ABR: variants seen among roughly 807,000 people sequenced by gnomAD.
ABR encodes active breakpoint cluster region-related protein.
ABR carries 35 observed loss-of-function variants against 107.2 expected under a neutral mutation model. That is an observed-to-expected ratio of 0.33 (90% CI 0.25 to 0.43). The LOEUF (loss-of-function observed/expected upper bound fraction) is 0.43, where lower values mean the gene tolerates loss of function less well. ABR is among the 20% of genes least tolerant of loss of function. The probability of loss-of-function intolerance (pLI) is 1.00; values close to 1 mark genes in which losing one functional copy is unlikely to be tolerated. For missense variants in ABR, 815 were observed against 1,115.2 expected, an observed-to-expected ratio of 0.73 and a Z score of 3.83; for synonymous variants, 498 against 462.0, an observed-to-expected ratio of 1.08 and a Z score of -1.00.
chr17:1,109,718 T>C (rs1375576377), intron 2 of ABR, among the ~76,000 whole-genome samples: 1 of 150,912 alleles, frequency 6.6e-6, no homozygotes, highest in Non-Finnish European at 1.5e-5. Flanking sequence ...CACAGCCGCG[T>C]CCCGCCGCCG....
chr17:1,018,557 A>G lies in ABR; in HGVS notation c.1792-5393T>C, dbSNP rs938971170. Among the ~76,000 whole-genome samples, 3 of 152,092 alleles carry G rather than the reference A, an allele frequency of 2.0e-5. No individual in the cohort carries two copies. The East Asian group carries it at 5.8e-4, about 29-fold the overall frequency. On this transcript the variant is annotated intron_variant, in intron 16 of 22. Coordinates refer to ENST00000302538, the MANE Select transcript of ABR (RefSeq NM_021962.5). ...TCCTGGCAGCTTCTGCAGGAAGCTG[A>G]GCCAATGGTCCCTTCCCAAGTCTCA... is the stretch of plus-strand genomic sequence containing the variant.
rs1465554602 is a variant in ABR, at chr17:1,010,568, C to T, written c.2236+161G>A. The T allele has an allele frequency of 1.1e-6, 1 of 939,970 alleles. No individual in the cohort carries two copies. Among genetic ancestry groups the T allele is most frequent in the Non-Finnish European group, 1.6e-6 (1 of 642,140 alleles). 58.2% of individuals were successfully genotyped at this position (939,970 alleles called of 1,614,324 possible). A position where few individuals can be genotyped will look rare whatever the true frequency, so the allele number is the denominator to read the frequency against. The stretch of plus-strand genomic sequence containing the variant: ...AGTGTCTGCACCAGGTCCCAGCAGG[C>T]CACACCTCACCCTCGGACCCCTCAG... On this transcript the variant is annotated intron_variant, in intron 20 of 22. Transcript: ENST00000302538. The surrounding 1 kb of genome is among the most constrained non-coding windows in gnomAD (Gnocchi z 4.1).
chr17:1,102,994 G>C (rs1352548856), intron 2 of ABR, among the ~76,000 whole-genome samples: 1 of 152,192 alleles, frequency 6.6e-6, no homozygotes, highest in African/African-American at 2.4e-5. Flanking sequence ...ACAGGTGTGA[G>C]CCATGGAGCC....
intron 1 of ABR, among the ~76,000 whole-genome samples, chr17:1,167,790 AG>A (rs2041569688): frequency 6.6e-6 from 1 of 152,254 alleles, no homozygotes; most frequent in Non-Finnish European, 1.5e-5. Context: ...CGTGCCTCTA[AG>A]GAGTTGAGAG....
intron 1 of ABR, among the ~76,000 whole-genome samples, chr17:1,227,775 G>T (rs2043249113): frequency 6.6e-6 from 1 of 151,998 alleles, no homozygotes; most frequent in Non-Finnish European, 1.5e-5. Context: ...ACAGCAAAGG[G>T]CTCCCACGCC....
At chr17:1,093,424 G>A (rs577322664) in intron 3 of ABR, among the ~76,000 whole-genome samples, 102 of 152,182 alleles carry the variant, frequency 6.7e-4, no homozygotes, top group Middle Eastern at 3.4e-3. Context: ...AGCCAAGATT[G>A]CGCCACTGCA....
At chr17:1,213,357 T>C (rs1408339488) in intron 1 of ABR, among the ~76,000 whole-genome samples, 1 of 152,176 alleles carries the variant, frequency 6.6e-6, no homozygotes, top group Non-Finnish European at 1.5e-5. Flanking sequence ...AAGCAGGTAC[T>C]ATTTGGTGTG....
intron 16 of ABR, among the ~76,000 whole-genome samples, chr17:1,018,553 G>A (rs1009753489): frequency 5.3e-5 from 8 of 152,180 alleles, no homozygotes; most frequent in African/African-American, 1.7e-4. Flanking sequence ...TCTGCAGGAA[G>A]CTGAGCCAAT....
intron 1 of ABR, among the ~76,000 whole-genome samples, chr17:1,219,337 C>T (rs1490479488): frequency 6.6e-6 from 1 of 151,954 alleles, no homozygotes; most frequent in Non-Finnish European, 1.5e-5. Flanking sequence ...AGCCACCACG[C>T]CCAGCCATGG....
rs984590871 is a variant in ABR at position 1,027,083 on chromosome 17, TG to T, written c.1792-13920del. ...GCTCCCCCAGCCACACCTGCAGGCT[TG>T]GGGGCTCCTTCCAAAATGTCTGGGG... On this transcript the variant is annotated intron_variant, in intron 16 of 22. Transcript: ENST00000302538. The surrounding 1 kb of genome is among the most constrained non-coding windows in gnomAD (Gnocchi z 4.7). Among the ~76,000 whole-genome samples the T allele has an allele frequency of 2.8e-4, 43 of 151,862 alleles. No homozygotes were observed. The highest frequency in any genetic ancestry group is 5.0e-4 in the Non-Finnish European group (34 of 67,938).
chr17:1,034,781 G>A (rs115289653), intron 16 of ABR, among the ~76,000 whole-genome samples: 1 of 152,076 alleles, frequency 6.6e-6, no homozygotes, highest in African/African-American at 2.4e-5. Context: ...CCCCTCACTG[G>A]CCTATGGTCC....
At chr17:1,049,686 C>T (rs115176746) in intron 16 of ABR, among the ~76,000 whole-genome samples, 2,331 of 152,310 alleles carry the variant, frequency 0.015, 57 homozygotes, top group African/African-American at 0.052. Context: ...ATGGCAGACA[C>T]GGCTCCTCAC....
chr17:1,067,040 C>T (rs1456248771), intron 10 of ABR, 37 bp downstream of exon 10: 1 of 1,606,216 alleles, frequency 6.2e-7, no homozygotes, highest in South Asian at 1.1e-5. Context: ...ACAGCTGGCT[C>T]AAAGGGCCCC....
intron 5 of ABR, among the ~76,000 whole-genome samples, chr17:1,081,807 C>G (rs866128929): frequency 1.3e-5 from 2 of 150,604 alleles, no homozygotes; most frequent in Non-Finnish European, 3.0e-5. Context: ...AAACTCCTGA[C>G]CTCAGGTGAT....
rs2034543114 is a variant in ABR at position 1,064,968 on chromosome 17, G to GTTGTTA, written c.1182+2108_1182+2109insTAACAA. Among the ~76,000 whole-genome samples, 71 of 84,594 alleles carry GTTGTTA rather than the reference G, an allele frequency of 8.4e-4. 2 individuals are homozygous for GTTGTTA. Among genetic ancestry groups the GTTGTTA allele is most frequent in the East Asian group, 1.8e-3 (5 of 2,800 alleles). 55.5% of individuals were successfully genotyped at this position (84,594 alleles called of 152,430 possible). On this transcript the variant is annotated intron_variant, in intron 10 of 22. Coordinates refer to ENST00000302538, the MANE Select transcript of ABR (RefSeq NM_021962.5). ...GGCTATGCATGTTCCTCTAGACACT[G>GTTGTTA]CTGTTACGTGAACTGAGGGCTATGC...
At position 1,079,025 on chromosome 17, in the gene ABR, G is replaced by A. The variant is rs1354433577; in HGVS notation, c.700+305C>T. 70 of 1,448,766 alleles carry A rather than the reference G, an allele frequency of 4.8e-5. 1 individual carries two copies. The Middle Eastern group carries it at 6.5e-4, about 14-fold the overall frequency. 89.7% of individuals were successfully genotyped at this position (1,448,766 alleles called of 1,614,324 possible). On this transcript the variant is annotated intron_variant, in intron 6 of 22. Transcript: ENST00000302538. ...CCAGCAAGGGGGAGGGGAGGGAGGCGCGTGGCGAGGAGAGGAGGGAAGGGG... is the reference window on the plus strand; with the variant it reads ...CCAGCAAGGGGGAGGGGAGGGAGGCACGTGGCGAGGAGAGGAGGGAAGGGG...
intron 16 of ABR, among the ~76,000 whole-genome samples, chr17:1,049,624 C>T (rs1328067269): frequency 1.3e-5 from 2 of 152,036 alleles, no homozygotes; most frequent in South Asian, 2.1e-4. Context: ...CTAAGTCTTT[C>T]GGGCAGAAGA....
At chr17:1,046,116 C>T (rs1030833349) in intron 16 of ABR, among the ~76,000 whole-genome samples, 2 of 151,960 alleles carry the variant, frequency 1.3e-5, no homozygotes, top group African/African-American at 2.4e-5. Context: ...GGTGATCCCC[C>T]CGCCCTGGCC....
Position 1,176,249 on chromosome 17 carries a change from C to T in ABR, c.61+3418G>A, listed in dbSNP as rs142388440. On this transcript the variant is annotated intron_variant, in intron 1 of 22. Transcript: ENST00000302538. ...CCCAGGTCCTGCAAGAGGCACAGGGCCAGGTTGGGGTCAGAGCCATTGAAG... is the reference window on the plus strand; with the variant it reads ...CCCAGGTCCTGCAAGAGGCACAGGGTCAGGTTGGGGTCAGAGCCATTGAAG... 2.5e-3 allele frequency among the ~76,000 whole-genome samples: 388 copies of T among 152,308 alleles called. 2 individuals carry two copies. The Middle Eastern group carries it at 0.027, about 11-fold the overall frequency.
Sources: allele counts gnomAD v4.1 joint callset (sites outside exome capture counted in the v4.1 genomes callset), GRCh38; gene constraint gnomAD v4.1.1; non-coding constraint Gnocchi (gnomAD v3.1); transcripts MANE v1.5; gene names NCBI Gene and HGNC (gene_info 2026-07-23, HGNC 2026-07-21).